The following ARHGEF2 variants were observed in gnomAD, a reference collection of about 807,000 sequenced individuals.
ARHGEF2 encodes the protein rho guanine nucleotide exchange factor 2.
Under a neutral mutation model 121.0 loss-of-function variants are expected in ARHGEF2, and 22 were observed. The ratio of observed to expected loss-of-function variants is 0.18; its 90% CI spans 0.13 to 0.26. ARHGEF2 has a LOEUF of 0.26. ARHGEF2 is among the 10% of genes least tolerant of loss of function. The pLI is 1.00. For missense variants in ARHGEF2, 907 were observed against 1,336.0 expected (o/e 0.68, Z 5.01); for synonymous variants, 487 against 530.0 (o/e 0.92, Z 1.11).
chr1:155,950,528 T>C lies in ARHGEF2; in HGVS notation c.2704-46A>G. 3.2e-6 allele frequency: 5 copies of C among 1,586,278 alleles called. No homozygotes were observed. Among genetic ancestry groups the C allele is most frequent in the Non-Finnish European group, 4.3e-6 (5 of 1,158,616 alleles). ...GAACAGCAGGTCAGGGACTGAGTAGTGTGAAGATTGGAGGTTCTGCTTGGC... is the reference window on the plus strand; with the variant it reads ...GAACAGCAGGTCAGGGACTGAGTAGCGTGAAGATTGGAGGTTCTGCTTGGC... On this transcript the variant is annotated intron_variant, in intron 20 of 21. Transcript: ENST00000361247. This position sits in a 1 kb window ranked among gnomAD's most constrained non-coding sequence, Gnocchi z 5.2.
rs746423976 is a variant in ARHGEF2 at position 155,950,981 on chromosome 1, G to A, written c.2551C>T (p.Arg851Cys). ...ESEQARALLEREAEEARRQLA... is the reference protein window; with the variant it reads ...ESEQARALLECEAEEARRQLA... Reference sequence around the variant, plus strand: ...TGCCTTCGAGCCTCTTCGGCCTCACGCTCCAGCAGTGCCCGGGCCTGCTCA... The same window carrying A: ...TGCCTTCGAGCCTCTTCGGCCTCACACTCCAGCAGTGCCCGGGCCTGCTCA... The change falls in exon 20 of 22, where the codon CGT (arginine) becomes TGT (cysteine). Residue 851 changes from arginine to cysteine, a missense_variant. This residue lies in a region of ARHGEF2 where 432 missense variants were observed against 559.5 expected (regional missense o/e 0.77). Coordinates refer to ENST00000361247, the MANE Select transcript of ARHGEF2 (RefSeq NM_001162383.2). The surrounding 1 kb of genome is among the most constrained non-coding windows in gnomAD (Gnocchi z 5.2). 24 of 1,608,388 alleles carry A rather than the reference G, an allele frequency of 1.5e-5. No individual in the cohort carries two copies. The highest frequency in any genetic ancestry group is 6.6e-5 in the South Asian group (6 of 90,864).
At chr1:155,948,116 G>A in intron 21 of ARHGEF2, 101 bp from the exon 22 acceptor site, 2 of 939,326 alleles carry the variant, frequency 2.1e-6, no homozygotes, top group South Asian at 3.5e-5. Context: ...AGGGGGCTCT[G>A]GGGCTGTGAA....
intron 14 of ARHGEF2, among the ~76,000 whole-genome samples, 176 bp from the exon 15 acceptor site, chr1:155,953,004 C>T (rs904807248): frequency 6.6e-6 from 1 of 152,150 alleles, no homozygotes; most frequent in African/African-American, 2.4e-5. Context: ...GTGGCTCACA[C>T]CTGTAATCCC....
chr1:155,978,327 G>A lies in ARHGEF2; in HGVS notation c.63+38C>T, dbSNP rs1681700902. 1.4e-6 allele frequency: 2 copies of A among 1,477,742 alleles called. No individual in the cohort carries two copies. The highest frequency in any genetic ancestry group is 2.8e-5 in the African/African-American group (2 of 70,334). The allele number at this position is 1,477,742 out of a possible 1,614,324, so 91.5% of individuals were successfully genotyped here. On this transcript the variant is annotated intron_variant, in intron 1 of 21. Transcript: ENST00000361247. The surrounding 1 kb of genome is among the most constrained non-coding windows in gnomAD (Gnocchi z 4.1). ...GGGTGCCGGGGTTCGGGGAGCACCC[G>A]AGGACCGCGGCGAAAGGAGAGGGGT...
chr1:155,955,667 A>G (rs1458217448), intron 13 of ARHGEF2, among the ~76,000 whole-genome samples: 3 of 152,362 alleles, frequency 2.0e-5, no homozygotes, highest in East Asian at 3.9e-4. Context: ...TGCTTTGAAC[A>G]TAACAGAAGC....
intron 21 of ARHGEF2, among the ~76,000 whole-genome samples, chr1:155,949,691 A>C (rs1675016039): frequency 6.6e-6 from 1 of 151,870 alleles, no homozygotes; most frequent in South Asian, 2.1e-4. Context: ...AACCTGGCCA[A>C]CATAGTGAAA....
intron 1 of ARHGEF2, among the ~76,000 whole-genome samples, chr1:155,974,244 C>T (rs1680950012): frequency 6.6e-6 from 1 of 152,088 alleles, no homozygotes; most frequent in East Asian, 1.9e-4. Flanking sequence ...CTGGGAGAGT[C>T]ACAGAGTACT....
At chr1:155,975,342 G>C (rs1466901170) in intron 1 of ARHGEF2, among the ~76,000 whole-genome samples, 2 of 152,046 alleles carry the variant, frequency 1.3e-5, no homozygotes, top group African/African-American at 4.8e-5. Context: ...TCCACAGCCA[G>C]AGTGGCTAAG....
Position 155,966,402 on chromosome 1 carries a change from C to T in ARHGEF2, c.340+14G>A. The T allele has an allele frequency of 6.2e-7, 1 of 1,614,008 alleles. No individual in the cohort carries two copies. The highest frequency in any genetic ancestry group is 1.7e-4 in the Middle Eastern group (1 of 6,056). On this transcript the variant is annotated intron_variant, in intron 4 of 21. Transcript: ENST00000361247. Reference sequence around the variant, plus strand: ...AGGGTCTTAGGGGACCTCCTCCACTCCCCAACTACTCACTCTTACTTCGAA... The same window carrying T: ...AGGGTCTTAGGGGACCTCCTCCACTTCCCAACTACTCACTCTTACTTCGAA...
upstream of ARHGEF2, chr1:155,978,741 C>T (rs1572222811): frequency 3.8e-6 from 3 of 780,648 alleles, no homozygotes; most frequent in East Asian, 1.7e-4. This position sits in a 1 kb window ranked among gnomAD's most constrained non-coding sequence, Gnocchi z 4.1. Flanking sequence ...TGCCTATTTC[C>T]CCTCCAGCGC....
Position 155,947,761 on chromosome 1 carries a change from G to T in ARHGEF2, c.*181C>A. ...GTAGCTTTCGGATGTCCCAGGGGGT[G>T]TTGTGGCCTAATTCCCCTAGCTTCT... On this transcript the variant is annotated 3_prime_UTR_variant, in exon 22 of 22. Transcript: ENST00000361247. 5.3e-6 allele frequency: 3 copies of T among 564,048 alleles called. No individual in the cohort carries two copies. Among genetic ancestry groups the T allele is most frequent in the Non-Finnish European group, 9.6e-6 (3 of 313,566 alleles). The allele number at this position is 564,048 out of a possible 1,614,324, so 34.9% of individuals were successfully genotyped here.
chr1:155,969,880 G>A, intron 1 of ARHGEF2: 1 of 985,770 alleles, frequency 1.0e-6, no homozygotes, highest in Non-Finnish European at 1.2e-6. Flanking sequence ...CCAACCCAGG[G>A]GTCAGGATCC....
chr1:155,964,781 T>C (rs534611274), intron 7 of ARHGEF2, among the ~76,000 whole-genome samples: 81 of 150,022 alleles, frequency 5.4e-4, no homozygotes, highest in African/African-American at 2.0e-3. Flanking sequence ...TTAGCCAGCA[T>C]GGTGGCAGGC....
chr1:155,966,958 C>T (rs970747281), intron 2 of ARHGEF2, 71 bp from the exon 3 acceptor site: 11 of 1,424,486 alleles, frequency 7.7e-6, no homozygotes, highest in Non-Finnish European at 1.1e-5. Context: ...CACATGCAGA[C>T]ACCCATCTCC....
chr1:155,948,985 C>T (rs1340104666), intron 21 of ARHGEF2, among the ~76,000 whole-genome samples: 1 of 152,020 alleles, frequency 6.6e-6, no homozygotes, highest in Non-Finnish European at 1.5e-5. Flanking sequence ...CGGTGGCTCA[C>T]ACCTGTAATC....
At position 155,947,879 on chromosome 1, in the gene ARHGEF2, C is replaced by T; in HGVS notation, c.*63G>A. ...CCCTCATCATTGGCAAATTGGAGTCCCCAAGGTTAGCCCCCTCAGTAATGT... is the reference window on the plus strand; with the variant it reads ...CCCTCATCATTGGCAAATTGGAGTCTCCAAGGTTAGCCCCCTCAGTAATGT... On this transcript the variant is annotated 3_prime_UTR_variant, in exon 22 of 22. Transcript: ENST00000361247. 9.7e-7 allele frequency: 1 copy of T among 1,036,266 alleles called. No homozygotes were observed. Among genetic ancestry groups the T allele is most frequent in the Non-Finnish European group, 1.4e-6 (1 of 700,014 alleles). 64.2% of individuals were successfully genotyped at this position (1,036,266 alleles called of 1,614,324 possible). A position where few individuals can be genotyped will look rare whatever the true frequency, so the allele number is the denominator to read the frequency against.
At position 155,977,907 on chromosome 1, in the gene ARHGEF2, C is replaced by T. The variant is rs576951272; in HGVS notation, c.63+458G>A. On this transcript the variant is annotated intron_variant, in intron 1 of 21. Transcript: ENST00000361247. Reference sequence around the variant, plus strand: ...CCCTCCCGTCCCCTCCGCCGGATGGCGGGGACAAAGGGGGAACGACCAAGC... The same window carrying T: ...CCCTCCCGTCCCCTCCGCCGGATGGTGGGGACAAAGGGGGAACGACCAAGC... Among the ~76,000 whole-genome samples, 8 of 152,248 alleles carry T rather than the reference C, an allele frequency of 5.3e-5. No individual in the cohort carries two copies. In the East Asian group the frequency reaches 1.4e-3, roughly 26 times the overall value.
rs1678191901 is a variant in ARHGEF2 at position 155,962,578 on chromosome 1, G to A, written c.1101+15C>T. 3 of 1,612,490 alleles carry A rather than the reference G, an allele frequency of 1.9e-6. No homozygotes were observed. Among genetic ancestry groups the A allele is most frequent in the South Asian group, 1.1e-5 (1 of 91,010 alleles). On this transcript the variant is annotated intron_variant, in intron 9 of 21. Transcript: ENST00000361247. The surrounding 1 kb of genome is among the most constrained non-coding windows in gnomAD (Gnocchi z 5.8). ...GTTTGGGCCATGAGCATGGGATCTG[G>A]AGAGGTCCGCTCACCCGGATGAATT...
chr1:155,978,726 C>T, upstream of ARHGEF2: 4 of 792,298 alleles, frequency 5.0e-6, no homozygotes, highest in Non-Finnish European at 6.5e-6. This position sits in a 1 kb window ranked among gnomAD's most constrained non-coding sequence, Gnocchi z 4.1. Flanking sequence ...TTTGAGAGGC[C>T]CCTCTGCCTA....
Sources: allele counts gnomAD v4.1 joint callset (sites outside exome capture counted in the v4.1 genomes callset), GRCh38; gene constraint gnomAD v4.1.1; regional missense constraint gnomAD v4.1.1; non-coding constraint Gnocchi (gnomAD v3.1); transcripts MANE v1.5; gene names NCBI Gene and HGNC (gene_info 2026-07-23, HGNC 2026-07-21).